The following NXPH1 variants were observed in gnomAD, a reference collection of about 807,000 sequenced individuals.
The protein encoded by NXPH1 is neurexophilin-1.
A neutral mutation model predicts 23.7 loss-of-function variants in NXPH1; 5 were observed. That is an observed-to-expected ratio of 0.21 (90% CI 0.11 to 0.44). The LOEUF is 0.44. NXPH1 is among the 20% of genes least tolerant of loss of function. The pLI is 0.99. For synonymous variants in NXPH1, 144 were observed against 122.2 expected (o/e 1.18, Z -1.18); for missense variants, 324 against 321.6 (o/e 1.01, Z -0.06).
At chr7:8,724,980 A>G (rs1780025462) in intron 2 of NXPH1, among the ~76,000 whole-genome samples, 1 of 152,218 alleles carries the variant, frequency 6.6e-6, no homozygotes. Context: ...CTGATTCCAA[A>G]TCTGGCAGTA....
intron 2 of NXPH1, among the ~76,000 whole-genome samples, chr7:8,630,033 C>T (rs763441156): frequency 2.0e-5 from 3 of 152,048 alleles, no homozygotes; most frequent in Non-Finnish European, 2.9e-5. Context: ...TTTTACTCCC[C>T]CACATTTCAC....
intron 2 of NXPH1, among the ~76,000 whole-genome samples, chr7:8,564,806 T>C (rs1435689089): frequency 6.6e-6 from 1 of 151,842 alleles, no homozygotes. Flanking sequence ...ATATGCACTC[T>C]GTGCTTTTTA....
At chr7:8,673,520 G>C (rs1363476992) in intron 2 of NXPH1, among the ~76,000 whole-genome samples, 1 of 152,148 alleles carries the variant, frequency 6.6e-6, no homozygotes, top group Admixed American at 6.5e-5. Flanking sequence ...TGTGGCATTA[G>C]AGTTAAGTGC....
intron 2 of NXPH1, among the ~76,000 whole-genome samples, chr7:8,475,726 C>T (rs1164042213): frequency 6.6e-6 from 1 of 152,028 alleles, no homozygotes; most frequent in Non-Finnish European, 1.5e-5. Context: ...AATCCTTTTA[C>T]CTCTTCACCT....
At chr7:8,670,991 T>C (rs987361267) in intron 2 of NXPH1, among the ~76,000 whole-genome samples, 1 of 152,216 alleles carries the variant, frequency 6.6e-6, no homozygotes, top group Non-Finnish European at 1.5e-5. Context: ...GTCATCGTCA[T>C]GTTCTTTAAC....
chr7:8,635,331 C>G (rs1185066224), intron 2 of NXPH1, among the ~76,000 whole-genome samples: 3 of 152,208 alleles, frequency 2.0e-5, no homozygotes, highest in East Asian at 3.8e-4. Flanking sequence ...ACATCACATT[C>G]TATTTGGTTA....
chr7:8,576,828 T>C (rs760172907), intron 2 of NXPH1, among the ~76,000 whole-genome samples: 24 of 152,274 alleles, frequency 1.6e-4, no homozygotes, highest in Middle Eastern at 6.8e-3. Context: ...TTCATTAGAT[T>C]ATAAACTCCT....
At chr7:8,533,896 C>T (rs1817988048) in intron 2 of NXPH1, among the ~76,000 whole-genome samples, 1 of 152,066 alleles carries the variant, frequency 6.6e-6, no homozygotes, top group South Asian at 2.1e-4. Flanking sequence ...TTTCTGTGAG[C>T]TCTGTTAGAA....
At chr7:8,507,195 T>G (rs1292394535) in intron 2 of NXPH1, among the ~76,000 whole-genome samples, 1 of 151,462 alleles carries the variant, frequency 6.6e-6, no homozygotes, top group Non-Finnish European at 1.5e-5. Context: ...GGGGGTGGCG[T>G]GGGGAGAAGG....
chr7:8,727,337 T>C (rs1423202686), intron 2 of NXPH1, among the ~76,000 whole-genome samples: 1 of 138,310 alleles, frequency 7.2e-6, no homozygotes, highest in Non-Finnish European at 1.5e-5. Flanking sequence ...AGCTCTTTAG[T>C]TTAATTAGAT....
Position 8,496,888 on chromosome 7 carries a change from C to T in NXPH1, c.54+61121C>T, listed in dbSNP as rs1046823206. 6.6e-5 allele frequency among the ~76,000 whole-genome samples: 10 copies of T among 152,118 alleles called. No homozygotes were observed. The South Asian group carries it at 1.7e-3, about 25-fold the overall frequency. On this transcript the variant is annotated intron_variant, in intron 2 of 2. Transcript: ENST00000405863. ...AAAAACAGATTTTTTAAAAATTATA[C>T]TTTAAGTTCTAGGGTACATGTTCAC...
intron 2 of NXPH1, among the ~76,000 whole-genome samples, chr7:8,685,884 T>G (rs1469161671): frequency 1.3e-5 from 2 of 152,016 alleles, no homozygotes; most frequent in East Asian, 3.9e-4. Flanking sequence ...ATGACTACAG[T>G]CAAGAATAAT....
chr7:8,462,873 A>G (rs919987851), intron 2 of NXPH1, among the ~76,000 whole-genome samples: 1 of 152,202 alleles, frequency 6.6e-6, no homozygotes, highest in African/African-American at 2.4e-5. Context: ...ATAAATTGCT[A>G]AAAGAGGAAT....
chr7:8,735,171 A>G (rs913833921), intron 2 of NXPH1, among the ~76,000 whole-genome samples: 11 of 152,144 alleles, frequency 7.2e-5, no homozygotes, highest in African/African-American at 2.7e-4. Context: ...AGAACTTCCA[A>G]TACTATGTTG....
intron 2 of NXPH1, among the ~76,000 whole-genome samples, chr7:8,534,853 A>G (rs1357611186): frequency 5.9e-5 from 9 of 152,090 alleles, no homozygotes; most frequent in African/African-American, 1.9e-4. Context: ...AACGCAGGTT[A>G]TGTACCTACT....
At chr7:8,647,401 C>G (rs770884666) in intron 2 of NXPH1, among the ~76,000 whole-genome samples, 2 of 152,188 alleles carry the variant, frequency 1.3e-5, no homozygotes, top group African/African-American at 4.8e-5. Flanking sequence ...GGCAGTCCTT[C>G]TGTCCATCCA....
chr7:8,579,694 A>C (rs1254749639), intron 2 of NXPH1, among the ~76,000 whole-genome samples: 1 of 152,216 alleles, frequency 6.6e-6, no homozygotes. Context: ...TTATGACACA[A>C]AATTCAGAAT....
intron 2 of NXPH1, among the ~76,000 whole-genome samples, chr7:8,631,381 T>C (rs953169355): frequency 2.5e-4 from 38 of 152,234 alleles, no homozygotes; most frequent in African/African-American, 8.9e-4. Flanking sequence ...GATTTCATGA[T>C]GAAGATGCCA....
intron 2 of NXPH1, among the ~76,000 whole-genome samples, chr7:8,597,830 A>C (rs1012635946): frequency 2.0e-5 from 3 of 152,114 alleles, no homozygotes; most frequent in African/African-American, 4.8e-5. Context: ...AGAAAATTGC[A>C]CAACACTTCA....
Sources: gnomAD v4.1 joint callset for allele counts (sites outside exome capture counted in the v4.1 genomes callset) on GRCh38, gnomAD v4.1.1 for gene constraint, MANE v1.5 for transcripts, NCBI Gene and HGNC (gene_info 2026-07-23, HGNC 2026-07-21) for gene names.